KAZN: variants seen among roughly 807,000 people sequenced by gnomAD.
KAZN encodes kazrin, periplakin interacting protein.
In KAZN, 40 loss-of-function variants were observed where a neutral mutation model predicts 87.4. The ratio of observed to expected loss-of-function variants is 0.46; its 90% CI spans 0.36 to 0.60. The LOEUF (loss-of-function observed/expected upper bound fraction) is 0.60. Among genes scored for constraint, KAZN ranks in the 20% least tolerant of loss-of-function variants. The probability of loss-of-function intolerance (pLI) is 0.00; values close to 1 mark genes in which losing one functional copy is unlikely to be tolerated. For missense variants in KAZN, 898 were observed against 1,073.9 expected, an observed-to-expected ratio of 0.84 and a Z score of 2.29; for synonymous variants, 466 against 458.3, an observed-to-expected ratio of 1.02 and a Z score of -0.22.
intron 2 of KAZN, among the ~76,000 whole-genome samples, chr1:14,420,897 CCCT>C (rs1331432319): frequency 0.045 from 1,709 of 37,704 alleles, 21 homozygotes; most frequent in Non-Finnish European, 0.074. Flanking sequence ...TCCACACCTC[CCCT>C]CCACACCTCC....
intron 8 of KAZN, among the ~76,000 whole-genome samples, chr1:15,080,495 C>T (rs2100628079): frequency 6.6e-6 from 1 of 152,254 alleles, no homozygotes; most frequent in South Asian, 2.1e-4. Context: ...ATAGGCTCTC[C>T]TCCTGATGCT....
chr1:14,423,542 C>G (rs893986198), intron 2 of KAZN, among the ~76,000 whole-genome samples: 2 of 152,168 alleles, frequency 1.3e-5, no homozygotes, highest in Non-Finnish European at 2.9e-5. Context: ...TCCCCACACA[C>G]AGTACATGCA....
rs531793369 is a variant in KAZN, at chr1:14,746,068, C to G, written c.226+146845C>G. ...CAATATGATTTATCATGAACTTTAACTGGTTGGGTTTTTAAATGCCATTTA... is the reference window on the plus strand; with the variant it reads ...CAATATGATTTATCATGAACTTTAAGTGGTTGGGTTTTTAAATGCCATTTA... On this transcript the variant is annotated intron_variant, in intron 1 of 14. Coordinates refer to ENST00000376030, the MANE Select transcript of KAZN (RefSeq NM_201628.3). Among the ~76,000 whole-genome samples, 5 of 152,186 alleles carry G rather than the reference C, an allele frequency of 3.3e-5. No individual in the cohort carries two copies. In the East Asian group the frequency reaches 9.7e-4, roughly 29 times the overall value.
At chr1:14,247,552 G>T (rs1348003671) in intron 2 of KAZN, among the ~76,000 whole-genome samples, 3 of 152,210 alleles carry the variant, frequency 2.0e-5, no homozygotes, top group African/African-American at 7.2e-5. Context: ...GTTTGCTGAG[G>T]ATGATGGCTT....
At chr1:14,514,615 A>ATATTTTATATATTTTTTTATATTT (rs1671199895) in intron 2 of KAZN, among the ~76,000 whole-genome samples, 3 of 32,800 alleles carry the variant, frequency 9.1e-5, no homozygotes, top group African/African-American at 1.8e-4. Flanking sequence ...ATATATATAT[A>ATATTTTATATATTTTTTTATATTT]TATATATATA....
chr1:13,916,588 G>A (rs1037472922), intron 1 of KAZN, among the ~76,000 whole-genome samples: 1 of 152,196 alleles, frequency 6.6e-6, no homozygotes, highest in Non-Finnish European at 1.5e-5. Context: ...ATAGCAGAGA[G>A]AATTAGACAT....
chr1:14,493,067 T>G (rs1447970653), intron 2 of KAZN, among the ~76,000 whole-genome samples: 1 of 152,122 alleles, frequency 6.6e-6, no homozygotes, highest in Non-Finnish European at 1.5e-5. Context: ...CCTGTTGGAA[T>G]GTCACTTCAT....
intron 1 of KAZN, among the ~76,000 whole-genome samples, chr1:14,081,646 G>A (rs1431545211): frequency 6.6e-6 from 1 of 152,112 alleles, no homozygotes; most frequent in Non-Finnish European, 1.5e-5. Flanking sequence ...TTTACTTATT[G>A]TCTGAAGGTC....
chr1:14,913,546 A>G (rs1657471785), intron 1 of KAZN, among the ~76,000 whole-genome samples: 1 of 152,232 alleles, frequency 6.6e-6, no homozygotes, highest in South Asian at 2.1e-4. Flanking sequence ...TTCTGCCCTG[A>G]GAACCCAGAG....
chr1:14,229,724 G>A (rs1647629568), intron 2 of KAZN, among the ~76,000 whole-genome samples: 1 of 152,220 alleles, frequency 6.6e-6, no homozygotes, highest in Non-Finnish European at 1.5e-5. Flanking sequence ...CCGCACTTGA[G>A]GGACACCAGC....
intron 8 of KAZN, among the ~76,000 whole-genome samples, chr1:15,080,062 C>T: frequency 6.6e-6 from 1 of 152,206 alleles, no homozygotes; most frequent in East Asian, 1.9e-4. Flanking sequence ...CCTGGCCAAC[C>T]CCAGGATCTC....
chr1:14,785,741 A>G (rs1327615280), intron 1 of KAZN, among the ~76,000 whole-genome samples: 1 of 152,190 alleles, frequency 6.6e-6, no homozygotes, highest in Admixed American at 6.5e-5. Flanking sequence ...ATTAAATAAT[A>G]TACTTCCACC....
chr1:14,017,005 A>G (rs1271063404), intron 1 of KAZN, among the ~76,000 whole-genome samples: 5 of 152,204 alleles, frequency 3.3e-5, no homozygotes, highest in Non-Finnish European at 5.9e-5. Flanking sequence ...TGTCTCTTAT[A>G]GGTTCTTCGA....
intron 1 of KAZN, among the ~76,000 whole-genome samples, chr1:14,835,445 C>A (rs950408309): frequency 6.6e-6 from 1 of 152,132 alleles, no homozygotes; most frequent in Admixed American, 6.6e-5. Flanking sequence ...GTGGGGGCCG[C>A]AATCTGAGTG....
chr1:14,477,390 A>G (rs1285537495), intron 2 of KAZN, among the ~76,000 whole-genome samples: 1 of 151,852 alleles, frequency 6.6e-6, no homozygotes, highest in Non-Finnish European at 1.5e-5. Flanking sequence ...AGCAGCATGA[A>G]AACAGACTAA....
At chr1:14,194,287 C>G (rs993717534) in intron 2 of KAZN, among the ~76,000 whole-genome samples, 1 of 152,076 alleles carries the variant, frequency 6.6e-6, no homozygotes, top group African/African-American at 2.4e-5. Flanking sequence ...ATGCTGCTAC[C>G]CCAGGGGACA....
At chr1:14,236,840 A>G (rs1035295767) in intron 2 of KAZN, among the ~76,000 whole-genome samples, 2 of 152,052 alleles carry the variant, frequency 1.3e-5, no homozygotes, top group African/African-American at 4.8e-5. Context: ...GGCCAGATTG[A>G]TTGAGCCCAG....
chr1:14,468,219 T>C (rs939167853), intron 2 of KAZN, among the ~76,000 whole-genome samples: 2 of 152,218 alleles, frequency 1.3e-5, no homozygotes, highest in Non-Finnish European at 2.9e-5. Context: ...ATGTTTTAAT[T>C]GTCCAAAAGA....
intron 2 of KAZN, among the ~76,000 whole-genome samples, chr1:14,322,817 A>C (rs1435193069): frequency 6.6e-6 from 1 of 152,218 alleles, no homozygotes; most frequent in Non-Finnish European, 1.5e-5. Context: ...AGCAAATAGC[A>C]AAATCCCACA....
Sources: gnomAD v4.1 joint callset for allele counts (sites outside exome capture counted in the v4.1 genomes callset) on GRCh38, gnomAD v4.1.1 for gene constraint, MANE v1.5 for transcripts, NCBI Gene and HGNC (gene_info 2026-07-23, HGNC 2026-07-21) for gene names.